Variants in CHST15 observed in about 807,000 individuals in gnomAD.
CHST15 encodes B cell RAG associated protein (GALNAC4S-6ST).
In CHST15, 30 loss-of-function variants were observed where a neutral mutation model predicts 53.6. The ratio of observed to expected loss-of-function variants is 0.56; its 90% CI spans 0.42 to 0.76. The LOEUF is 0.76. Among genes scored for constraint, CHST15 ranks in the 30% least tolerant of loss-of-function variants. CHST15 has a pLI of 0.00. For missense variants in CHST15, 627 were observed against 740.5 expected, an observed-to-expected ratio of 0.85 and a Z score of 1.78; for synonymous variants, 296 against 289.8, an observed-to-expected ratio of 1.02 and a Z score of -0.22.
At chr10:124,070,841 A>G (rs7915508) in intron 1 of CHST15, among the ~76,000 whole-genome samples, 105,470 of 151,964 alleles carry the variant, frequency 0.69, 36,951 homozygotes, top group African/African-American at 0.78. Flanking sequence ...CGGGCTGAGC[A>G]CCATGGATGA....
chr10:124,061,271 C>T (rs1011621568), intron 1 of CHST15, among the ~76,000 whole-genome samples: 13 of 152,102 alleles, frequency 8.5e-5, no homozygotes, highest in Admixed American at 7.2e-4. Context: ...GGGAGGGACC[C>T]AGGAGGAGGT....
chr10:124,021,903 A>C (rs1946803463), intron 5 of CHST15, among the ~76,000 whole-genome samples: 1 of 152,254 alleles, frequency 6.6e-6, no homozygotes, highest in Non-Finnish European at 1.5e-5. Flanking sequence ...TGACATTGAA[A>C]AAAAAATGAT....
chr10:124,045,116 A>AC (rs1947920872), intron 2 of CHST15, among the ~76,000 whole-genome samples, 197 bp from the exon 3 acceptor site: 1 of 107,114 alleles, frequency 9.3e-6, no homozygotes, highest in African/African-American at 4.5e-5. Flanking sequence ...GCCCCACAAA[A>AC]AAAAAAAAAA....
At chr10:124,044,429 CTGGGTCTTTG>C in intron 3 of CHST15, 141 bp downstream of exon 3, 1 of 631,316 alleles carries the variant, frequency 1.6e-6, no homozygotes, top group Non-Finnish European at 2.6e-6. Flanking sequence ...CCAGACCCTG[CTGGGTCTTTG>C]CCTGGGAACA....
Position 124,051,554 on chromosome 10 carries a change from G to A in CHST15, c.-512-4830C>T, listed in dbSNP as rs147733213. 1.4e-3 allele frequency among the ~76,000 whole-genome samples: 208 copies of A among 152,230 alleles called. 1 individual carries two copies. The highest frequency in any genetic ancestry group is 3.4e-3 in the Middle Eastern group (1 of 294). On this transcript the variant is annotated intron_variant, in intron 1 of 7. Transcript: ENST00000435907. ...TGGTGCCGGTCGACTCAGACAAGACGGGGCCCTTGGCACTTCCGTTCATGT... is the reference window on the plus strand; with the variant it reads ...TGGTGCCGGTCGACTCAGACAAGACAGGGCCCTTGGCACTTCCGTTCATGT...
At chr10:124,029,061 C>A (rs950365557) in intron 5 of CHST15, among the ~76,000 whole-genome samples, 4 of 152,234 alleles carry the variant, frequency 2.6e-5, no homozygotes, top group African/African-American at 9.6e-5. Context: ...TGAGAGGGAG[C>A]CAGGGCACCT....
At chr10:124,049,200 G>A (rs899555381) in intron 1 of CHST15, among the ~76,000 whole-genome samples, 4 of 152,188 alleles carry the variant, frequency 2.6e-5, no homozygotes, top group Admixed American at 1.3e-4. Flanking sequence ...GAGACCAAAA[G>A]CCAATACAAG....
chr10:124,022,081 C>T (rs1435259830), intron 5 of CHST15, among the ~76,000 whole-genome samples: 3 of 152,232 alleles, frequency 2.0e-5, no homozygotes, highest in Non-Finnish European at 2.9e-5. Context: ...GGGAACTGAT[C>T]GTCTTCCTTG....
rs868760923 is a variant in CHST15, at chr10:124,043,469, A to T, written c.887-1022T>A. Among the ~76,000 whole-genome samples, 43 of 152,222 alleles carry T rather than the reference A, an allele frequency of 2.8e-4. 1 individual carries two copies. The highest frequency in any genetic ancestry group is 1.3e-3 in the Admixed American group (20 of 15,294). ...GCAAACGTTTGTCAGGAAACACATTAAGAGTTGGTCTAGGGAAAACTTTGA... is the reference window on the plus strand; with the variant it reads ...GCAAACGTTTGTCAGGAAACACATTTAGAGTTGGTCTAGGGAAAACTTTGA... On this transcript the variant is annotated intron_variant, in intron 3 of 7. Coordinates refer to ENST00000435907, the MANE Select transcript of CHST15 (RefSeq NM_001270764.2).
In CHST15 at chr10:124,046,060, CT is replaced by C; in HGVS notation, c.152del (p.Gln51ArgfsTer2). 6.2e-7 allele frequency: 1 copy of C among 1,614,252 alleles called. No homozygotes were observed. ...CTTCGAGAACAGCAAGCAAGTTCAT[CT>C]GCTTACTGTCCACACGAAACAGAAT... Reference protein sequence around the residue: ...NKILFRVDSKQMNLLAVLEVR... With the variant: ...NKILFRVDSKXMNLLAVLEVR... On this transcript the variant is annotated frameshift_variant, in exon 2 of 8. Transcript: ENST00000435907. LOFTEE classifies it high-confidence loss of function.
intron 6 of CHST15, among the ~76,000 whole-genome samples, chr10:124,013,765 C>T (rs1349994052): frequency 6.6e-6 from 1 of 152,208 alleles, no homozygotes; most frequent in Non-Finnish European, 1.5e-5. Context: ...AGGCCCCCTT[C>T]TCCAGGGCTT....
At position 124,074,296 on chromosome 10, in the gene CHST15, C is replaced by A. The variant is rs1949010349; in HGVS notation, c.-513+19173G>T. Among the ~76,000 whole-genome samples, 1 of 152,162 alleles carries A rather than the reference C, an allele frequency of 6.6e-6. No individual in the cohort carries two copies. The highest frequency in any genetic ancestry group is 2.4e-5 in the African/African-American group (1 of 41,434). On this transcript the variant is annotated intron_variant, in intron 1 of 7. Transcript: ENST00000435907. The surrounding 1 kb of genome is among the most constrained non-coding windows in gnomAD (Gnocchi z 4.4). ...TTGGCAAGTTGCTTCAAGAATTTCT[C>A]AAATCTCTCAGTAGAGACAGAAAAT... is the stretch of plus-strand genomic sequence containing the variant.
intron 5 of CHST15, among the ~76,000 whole-genome samples, chr10:124,030,846 C>A (rs1044247918): frequency 6.6e-6 from 1 of 152,210 alleles, no homozygotes; most frequent in Non-Finnish European, 1.5e-5. Flanking sequence ...AGTTCCGCTG[C>A]GGTTCGAAGG....
chr10:124,036,527 C>T lies in CHST15; in HGVS notation c.1190+1988G>A, dbSNP rs1268612867. On this transcript the variant is annotated intron_variant, in intron 5 of 7. Coordinates refer to ENST00000435907, the MANE Select transcript of CHST15 (RefSeq NM_001270764.2). This position sits in a 1 kb window ranked among gnomAD's most constrained non-coding sequence, Gnocchi z 5.1. ...CCTGACCAGGTCATACTCAGAGCAG[C>T]GGGAGCCATGCAGACTCCACAAGAG... is the stretch of plus-strand genomic sequence containing the variant. 1.3e-5 allele frequency among the ~76,000 whole-genome samples: 2 copies of T among 151,972 alleles called. No homozygotes were observed. Among genetic ancestry groups the T allele is most frequent in the South Asian group, 2.1e-4 (1 of 4,806 alleles).
intron 1 of CHST15, among the ~76,000 whole-genome samples, chr10:124,076,710 A>AT (rs11318249): frequency 0.013 from 1,847 of 137,770 alleles, 9 homozygotes; most frequent in African/African-American, 0.021. Context: ...TAAATTCTTA[A>AT]TTTTTTTTTT....
At chr10:124,031,392 G>T (rs1182088392) in intron 5 of CHST15, among the ~76,000 whole-genome samples, 2 of 152,194 alleles carry the variant, frequency 1.3e-5, no homozygotes, top group African/African-American at 4.8e-5. Context: ...GTCATAGAGT[G>T]TTCACAGAAA....
chr10:124,018,655 C>T (rs540471000), intron 6 of CHST15, among the ~76,000 whole-genome samples: 38 of 152,334 alleles, frequency 2.5e-4, no homozygotes, highest in African/African-American at 8.9e-4. Context: ...CTGCTGTTTT[C>T]TCAAATGCCA....
chr10:124,032,033 C>T (rs1175297288), intron 5 of CHST15, among the ~76,000 whole-genome samples: 3 of 152,176 alleles, frequency 2.0e-5, no homozygotes, highest in Non-Finnish European at 2.9e-5. Flanking sequence ...AATGTTCAGC[C>T]CTGCTATTCC....
intron 5 of CHST15, among the ~76,000 whole-genome samples, chr10:124,037,893 T>G (rs1470428477): frequency 1.3e-5 from 2 of 152,188 alleles, no homozygotes; most frequent in Non-Finnish European, 1.5e-5. Context: ...CCCCTGATTC[T>G]AAGGGTGTTT....
Sources: allele counts gnomAD v4.1 joint callset (sites outside exome capture counted in the v4.1 genomes callset), GRCh38; gene constraint gnomAD v4.1.1; non-coding constraint Gnocchi (gnomAD v3.1); transcripts MANE v1.5; gene names NCBI Gene and HGNC (gene_info 2026-07-23, HGNC 2026-07-21).